KHDRBS3: variants seen among roughly 807,000 people sequenced by gnomAD.
The protein encoded by KHDRBS3 is KH RNA binding domain containing, signal transduction associated 3, also known as KH domain-containing, RNA-binding, signal transduction-associated protein 3.
A neutral mutation model predicts 45.6 loss-of-function variants in KHDRBS3; 23 were observed. The ratio of observed to expected loss-of-function variants is 0.50; its 90% CI spans 0.36 to 0.72. The LOEUF (loss-of-function observed/expected upper bound fraction) is 0.72. KHDRBS3 is among the 30% of genes least tolerant of loss of function. The probability of loss-of-function intolerance (pLI) is 0.00; values close to 1 mark genes in which losing one functional copy is unlikely to be tolerated. For synonymous variants in KHDRBS3, 162 were observed against 156.5 expected (o/e 1.04, Z -0.26); for missense variants, 352 against 424.8 (o/e 0.83, Z 1.51).
intron 7 of KHDRBS3, among the ~76,000 whole-genome samples, chr8:135,636,203 T>C (rs1169803658): frequency 1.3e-5 from 2 of 152,160 alleles, no homozygotes; most frequent in African/African-American, 2.4e-5. Flanking sequence ...CCCCAGGTGC[T>C]TTTCCTTGAG....
intron 5 of KHDRBS3, among the ~76,000 whole-genome samples, chr8:135,564,666 C>T (rs1563771973): frequency 1.3e-5 from 2 of 152,120 alleles, no homozygotes; most frequent in African/African-American, 4.8e-5. Flanking sequence ...CCAGACTGGT[C>T]TATGTCTTGA....
chr8:135,586,680 T>G (rs1455884210), intron 6 of KHDRBS3, among the ~76,000 whole-genome samples: 1 of 152,206 alleles, frequency 6.6e-6, no homozygotes, highest in African/African-American at 2.4e-5. Context: ...TCTTTGGAAC[T>G]CAGAAACGTA....
chr8:135,491,932 CTTT>C (rs11327928), intron 1 of KHDRBS3, among the ~76,000 whole-genome samples: 8 of 144,132 alleles, frequency 5.6e-5, no homozygotes, highest in African/African-American at 5.2e-5. Flanking sequence ...GTGCCAACTT[CTTT>C]TTTTTTTTTT....
chr8:135,477,564 A>G (rs964648402), intron 1 of KHDRBS3, among the ~76,000 whole-genome samples: 4 of 152,222 alleles, frequency 2.6e-5, no homozygotes, highest in Non-Finnish European at 4.4e-5. Flanking sequence ...CATGAAACAA[A>G]CTAGGACTTG....
intron 2 of KHDRBS3, among the ~76,000 whole-genome samples, chr8:135,527,908 G>A (rs1010585248): frequency 6.6e-6 from 1 of 152,122 alleles, no homozygotes; most frequent in African/African-American, 2.4e-5. Flanking sequence ...GTACATGAAT[G>A]TTTTAATAAC....
intron 1 of KHDRBS3, among the ~76,000 whole-genome samples, chr8:135,497,498 G>A (rs912775232): frequency 3.9e-5 from 6 of 152,120 alleles, no homozygotes; most frequent in Non-Finnish European, 8.8e-5. Flanking sequence ...TTTATCACAA[G>A]CATCACAAGC....
At chr8:135,465,398 A>G (rs1821645351) in intron 1 of KHDRBS3, among the ~76,000 whole-genome samples, 2 of 152,232 alleles carry the variant, frequency 1.3e-5, no homozygotes, top group African/African-American at 4.8e-5. Flanking sequence ...GATATAATGT[A>G]TATAATACAA....
chr8:135,480,313 G>A (rs924205448), intron 1 of KHDRBS3, among the ~76,000 whole-genome samples: 2 of 152,060 alleles, frequency 1.3e-5, no homozygotes, highest in Non-Finnish European at 2.9e-5. Flanking sequence ...AAAATAAAAG[G>A]CATACAGATT....
At chr8:135,548,977 CTG>C (rs1826449569) in intron 4 of KHDRBS3, 77 bp downstream of exon 4, 1 of 1,012,840 alleles carries the variant, frequency 9.9e-7, no homozygotes, top group African/African-American at 1.6e-5. Context: ...TTGTCTGTAA[CTG>C]TTATTTGCAT....
At chr8:135,596,658 A>G (rs1828985773) in intron 6 of KHDRBS3, among the ~76,000 whole-genome samples, 1 of 152,280 alleles carries the variant, frequency 6.6e-6, no homozygotes, top group Admixed American at 6.5e-5. Context: ...GTGGATTCAG[A>G]TAGCAAACAT....
chr8:135,596,494 C>T (rs893947851), intron 6 of KHDRBS3, among the ~76,000 whole-genome samples: 8 of 152,110 alleles, frequency 5.3e-5, no homozygotes, highest in Admixed American at 3.3e-4. Context: ...CTAAGGTTAA[C>T]CTAGACTTAC....
intron 1 of KHDRBS3, among the ~76,000 whole-genome samples, chr8:135,493,756 G>T: frequency 6.6e-6 from 1 of 151,938 alleles, no homozygotes. Flanking sequence ...TCTTTTTCTT[G>T]TAAAACTTTT....
rs1324440717 is a variant in KHDRBS3 at position 135,457,941 on chromosome 8, C to T, written c.75C>T (p.Arg25=). The T allele has an allele frequency of 8.8e-6, 14 of 1,598,238 alleles. No individual in the cohort carries two copies. In the South Asian group the frequency reaches 1.6e-4, roughly 18 times the overall value. ...SLDPSFTHAL[R]LVNQEIEKFQ... The stretch of plus-strand genomic sequence containing the variant: ...ACCCCTCCTTCACGCACGCCCTGCG[C>T]CTGGTGAACCAAGGTGAGGCGCCGG... Residue 25 remains arginine, a synonymous_variant, in exon 1 of 9, where the codon CGC becomes CGT. Coordinates refer to ENST00000355849, the MANE Select transcript of KHDRBS3 (RefSeq NM_006558.3). The surrounding 1 kb of genome is among the most constrained non-coding windows in gnomAD (Gnocchi z 4.4).
At chr8:135,559,230 T>TA (rs1827048720) in intron 5 of KHDRBS3, among the ~76,000 whole-genome samples, 2 of 152,190 alleles carry the variant, frequency 1.3e-5, no homozygotes, top group South Asian at 2.1e-4. Context: ...CTAGATAAGG[T>TA]TCCTGGGATT....
At chr8:135,616,544 C>T (rs544935253) in intron 7 of KHDRBS3, among the ~76,000 whole-genome samples, 2 of 152,274 alleles carry the variant, frequency 1.3e-5, no homozygotes, top group East Asian at 3.9e-4. Context: ...AAAACAAAGT[C>T]CACCAGGGAG....
At chr8:135,543,275 A>C (rs1281066092) in intron 3 of KHDRBS3, among the ~76,000 whole-genome samples, 6 of 152,188 alleles carry the variant, frequency 3.9e-5, no homozygotes, top group African/African-American at 1.2e-4. Flanking sequence ...TAATTGTTCT[A>C]CTTAGATGTA....
intron 5 of KHDRBS3, among the ~76,000 whole-genome samples, chr8:135,564,926 A>T (rs1827331006): frequency 6.6e-6 from 1 of 152,146 alleles, no homozygotes; most frequent in Admixed American, 6.5e-5. Flanking sequence ...ACAGGAGGTG[A>T]GGGTTGATGG....
In KHDRBS3 at chr8:135,548,916, C is replaced by A; in HGVS notation, c.471+16C>A. ...CCTCATCCCTGTTAGTACCATTTTT[C>A]TTGATAGTTAACTTGTACTTTAAAG... On this transcript the variant is annotated intron_variant, in intron 4 of 8. Coordinates refer to ENST00000355849, the MANE Select transcript of KHDRBS3 (RefSeq NM_006558.3). 6.5e-7 allele frequency: 1 copy of A among 1,530,680 alleles called. No homozygotes were observed. The highest frequency in any genetic ancestry group is 8.8e-7 in the Non-Finnish European group (1 of 1,138,202). The allele number at this position is 1,530,680 out of a possible 1,614,324, so 94.8% of individuals were successfully genotyped here. A position where few individuals can be genotyped will look rare whatever the true frequency, so the allele number is the denominator to read the frequency against.
At chr8:135,621,778 G>A (rs1280989134) in intron 7 of KHDRBS3, among the ~76,000 whole-genome samples, 5 of 151,934 alleles carry the variant, frequency 3.3e-5, no homozygotes, top group Non-Finnish European at 7.4e-5. Context: ...CAGTTTTTCA[G>A]TGAAGCTGCA....
Sources: gnomAD v4.1 joint callset for allele counts (sites outside exome capture counted in the v4.1 genomes callset) on GRCh38, gnomAD v4.1.1 for gene constraint, Gnocchi (gnomAD v3.1) non-coding constraint, MANE v1.5 for transcripts, NCBI Gene and HGNC (gene_info 2026-07-23, HGNC 2026-07-21) for gene names.